The following PBX3 variants were observed in gnomAD, a reference collection of about 807,000 sequenced individuals.
PBX3 encodes the protein PBX homeobox 3, also known as pre-B-cell leukemia transcription factor 3.
Under a neutral mutation model 48.5 loss-of-function variants are expected in PBX3, and 14 were observed. The ratio of observed to expected loss-of-function variants is 0.29; its 90% CI spans 0.19 to 0.45. The LOEUF (loss-of-function observed/expected upper bound fraction) is 0.45. Among genes scored for constraint, PBX3 ranks in the 20% least tolerant of loss-of-function variants. The probability of loss-of-function intolerance (pLI) is 1.00; values close to 1 mark genes in which losing one functional copy is unlikely to be tolerated. For synonymous variants in PBX3, 210 were observed against 200.3 expected (o/e 1.05, Z -0.41); for missense variants, 386 against 546.7 (o/e 0.71, Z 2.93).
intron 2 of PBX3, among the ~76,000 whole-genome samples, chr9:125,833,572 G>C (rs1430473961): frequency 6.6e-6 from 1 of 152,136 alleles, no homozygotes; most frequent in Non-Finnish European, 1.5e-5. Flanking sequence ...TAGAAAACTT[G>C]AAGATTAGTA....
intron 5 of PBX3, among the ~76,000 whole-genome samples, chr9:125,936,484 C>T (rs1162870554): frequency 6.6e-6 from 1 of 152,126 alleles, no homozygotes; most frequent in Admixed American, 6.5e-5. Flanking sequence ...TTTCAGTGTT[C>T]ACTAGGGGTC....
At chr9:125,787,795 TAA>T (rs1191003021) in intron 2 of PBX3, among the ~76,000 whole-genome samples, 1 of 152,098 alleles carries the variant, frequency 6.6e-6, no homozygotes, top group Non-Finnish European at 1.5e-5. Flanking sequence ...ACTGGCGGAG[TAA>T]AAGACTGTTA....
chr9:125,932,571 A>G (rs1178693760), intron 4 of PBX3, among the ~76,000 whole-genome samples: 2 of 152,216 alleles, frequency 1.3e-5, no homozygotes, highest in Admixed American at 1.3e-4. Context: ...AACAGCTCAA[A>G]TCAGGGTTAG....
At chr9:125,955,245 C>A (rs555373741) in intron 5 of PBX3, among the ~76,000 whole-genome samples, 6 of 152,146 alleles carry the variant, frequency 3.9e-5, no homozygotes, top group African/African-American at 9.6e-5. Flanking sequence ...TGCGAGCCCC[C>A]CTTCAGGCTT....
chr9:125,929,624 C>T, intron 3 of PBX3, 31 bp from the exon 4 acceptor site: 1 of 1,521,694 alleles, frequency 6.6e-7, no homozygotes, highest in Non-Finnish European at 9.0e-7. Context: ...TAGATAGTTT[C>T]CAAAGGAGTG....
In PBX3 at chr9:125,791,281, A is replaced by ATCTGTCTGTCTG. The variant is rs78566375; in HGVS notation, c.274+42670_274+42681dup. ...ATAATTGTAGTACACATACATTTTT[A>ATCTGTCTGTCTG]TCTGTCTGTCTGTCTGTCTGTCTAT... On this transcript the variant is annotated intron_variant, in intron 2 of 8. Coordinates refer to ENST00000373489, the MANE Select transcript of PBX3 (RefSeq NM_006195.6). Among the ~76,000 whole-genome samples the ATCTGTCTGTCTG allele has an allele frequency of 2.3e-4, 33 of 143,516 alleles. No individual in the cohort carries two copies. In the East Asian group the frequency reaches 4.7e-3, roughly 20 times the overall value. 94.2% of individuals were successfully genotyped at this position (143,516 alleles called of 152,430 possible). A position where few individuals can be genotyped will look rare whatever the true frequency, so the allele number is the denominator to read the frequency against.
At chr9:125,911,870 A>G (rs2132454176) in intron 2 of PBX3, among the ~76,000 whole-genome samples, 1 of 152,276 alleles carries the variant, frequency 6.6e-6, no homozygotes, top group South Asian at 2.1e-4. Context: ...AACTTTTATC[A>G]TTATTATGGA....
chr9:125,817,445 C>T (rs533609920), intron 2 of PBX3, among the ~76,000 whole-genome samples: 2 of 152,228 alleles, frequency 1.3e-5, no homozygotes, highest in African/African-American at 4.8e-5. Flanking sequence ...ATAGATTAAT[C>T]CACTGGGGTT....
chr9:125,837,677 T>C (rs922018739), intron 2 of PBX3, among the ~76,000 whole-genome samples: 5 of 151,990 alleles, frequency 3.3e-5, no homozygotes, highest in East Asian at 1.9e-4. Flanking sequence ...CTTTTTTTTT[T>C]CTCCCTGGGT....
intron 2 of PBX3, among the ~76,000 whole-genome samples, chr9:125,839,727 A>G (rs1252285172): frequency 6.6e-6 from 1 of 152,172 alleles, no homozygotes; most frequent in Non-Finnish European, 1.5e-5. Flanking sequence ...AAGTATATAT[A>G]TTGTATGGAC....
chr9:125,766,021 A>G (rs1255546785), intron 2 of PBX3, among the ~76,000 whole-genome samples: 1 of 152,146 alleles, frequency 6.6e-6, no homozygotes, highest in African/African-American at 2.4e-5. Flanking sequence ...GGCATCTTAC[A>G]AAAATTCATT....
At chr9:125,843,133 C>T (rs1381902439) in intron 2 of PBX3, among the ~76,000 whole-genome samples, 1 of 151,940 alleles carries the variant, frequency 6.6e-6, no homozygotes, top group African/African-American at 2.4e-5. Flanking sequence ...CTAAAATATC[C>T]ACAAACCTAT....
intron 5 of PBX3, among the ~76,000 whole-genome samples, chr9:125,957,126 A>G (rs1252494554): frequency 3.3e-5 from 5 of 152,374 alleles, no homozygotes; most frequent in African/African-American, 1.2e-4. Flanking sequence ...CAAATCTGTA[A>G]TATCAGAATG....
At chr9:125,945,477 ATACCTC>A (rs900474527) in intron 5 of PBX3, among the ~76,000 whole-genome samples, 2 of 152,174 alleles carry the variant, frequency 1.3e-5, no homozygotes, top group African/African-American at 4.8e-5. Context: ...GCTTTCCTTG[ATACCTC>A]TAGTTCCTAT....
intron 2 of PBX3, among the ~76,000 whole-genome samples, chr9:125,876,240 CAGTT>C (rs1158072359): frequency 6.6e-6 from 1 of 152,086 alleles, no homozygotes; most frequent in African/African-American, 2.4e-5. Flanking sequence ...TGTTTAATGA[CAGTT>C]ATTTAAGAAT....
intron 3 of PBX3, among the ~76,000 whole-genome samples, chr9:125,918,175 C>G (rs1203254680): frequency 2.6e-5 from 4 of 152,130 alleles, no homozygotes; most frequent in Admixed American, 2.6e-4. Context: ...TAAGGTGATT[C>G]CTTACTACCT....
At chr9:125,757,948 G>A (rs997217739) in intron 2 of PBX3, among the ~76,000 whole-genome samples, 1 of 152,116 alleles carries the variant, frequency 6.6e-6, no homozygotes, top group Non-Finnish European at 1.5e-5. Context: ...AATCAGTAGA[G>A]AAAAAAATGA....
intron 2 of PBX3, among the ~76,000 whole-genome samples, chr9:125,834,114 A>G (rs1333872699): frequency 1.3e-5 from 2 of 152,242 alleles, no homozygotes; most frequent in African/African-American, 2.4e-5. Context: ...AGACCATACA[A>G]TTAAGTGCAG....
intron 5 of PBX3, among the ~76,000 whole-genome samples, chr9:125,936,143 A>C (rs1239704064): frequency 6.6e-6 from 1 of 152,054 alleles, no homozygotes; most frequent in Non-Finnish European, 1.5e-5. Flanking sequence ...AGGGTTTCTG[A>C]TTTTGGGGTT....
Sources: gnomAD v4.1 joint callset for allele counts (sites outside exome capture counted in the v4.1 genomes callset) on GRCh38, gnomAD v4.1.1 for gene constraint, MANE v1.5 for transcripts, NCBI Gene and HGNC (gene_info 2026-07-23, HGNC 2026-07-21) for gene names.